KCNK1: variants seen among roughly 807,000 people sequenced by gnomAD.
The protein encoded by KCNK1 is potassium two pore domain channel subfamily K member 1, also known as potassium channel subfamily K member 1.
In KCNK1, 10 loss-of-function variants were observed where a neutral mutation model predicts 22.2. That is an observed-to-expected ratio of 0.45 (90% CI 0.28 to 0.76). KCNK1 has a LOEUF of 0.76. Among genes scored for constraint, KCNK1 ranks in the 30% least tolerant of loss-of-function variants. KCNK1 has a pLI of 0.14. For synonymous variants in KCNK1, 200 were observed against 186.4 expected, an observed-to-expected ratio of 1.07 and a Z score of -0.60; for missense variants, 378 against 421.0, an observed-to-expected ratio of 0.90 and a Z score of 0.89.
At chr1:233,670,739 T>C (rs2102914122) in intron 2 of KCNK1, among the ~76,000 whole-genome samples, 1 of 152,290 alleles carries the variant, frequency 6.6e-6, no homozygotes, top group East Asian at 1.9e-4. Context: ...GAGATTTGGG[T>C]GGGGACACAG....
chr1:233,634,642 TGC>T lies in KCNK1; in HGVS notation c.355+20117_355+20118del, dbSNP rs1558111600. ...CAAAGCAGGGCTCATGGGATTGTTA[TGC>T]CCACCAGATGCTCTGCAACAGTGAC... On this transcript the variant is annotated intron_variant, in intron 1 of 2. Coordinates refer to ENST00000366621, the MANE Select transcript of KCNK1 (RefSeq NM_002245.4). Among the ~76,000 whole-genome samples, 692 of 152,350 alleles carry T rather than the reference TGC, an allele frequency of 4.5e-3. 4 individuals carry two copies. Among genetic ancestry groups the T allele is most frequent in the African/African-American group, 0.016 (669 of 41,598 alleles).
chr1:233,663,763 G>A (rs544750), intron 1 of KCNK1, among the ~76,000 whole-genome samples: 128,738 of 151,948 alleles, frequency 0.85, 54,598 homozygotes, highest in Admixed American at 0.9. Flanking sequence ...GAGCACTGTT[G>A]TTAATATCTC....
Position 233,646,272 on chromosome 1 carries a change from C to CA in KCNK1, c.356-20317dup, listed in dbSNP as rs1300443108. On this transcript the variant is annotated intron_variant, in intron 1 of 2. Coordinates refer to ENST00000366621, the MANE Select transcript of KCNK1 (RefSeq NM_002245.4). ...TAATGGAGTCTCTTGAAGAGCTTTC[C>CA]AAAAAAGATACCCATACTTGTGCTC... Among the ~76,000 whole-genome samples, 12 of 152,086 alleles carry CA rather than the reference C, an allele frequency of 7.9e-5. No homozygotes were observed. In the East Asian group the frequency reaches 2.3e-3, roughly 29 times the overall value.
At chr1:233,631,165 C>A (rs1657783837) in intron 1 of KCNK1, 2 of 448,352 alleles carry the variant, frequency 4.5e-6, no homozygotes. Context: ...CCATCATCCA[C>A]AGTCTATTTT....
intron 1 of KCNK1, 98 bp downstream of exon 1, chr1:233,614,624 C>G: frequency 1.1e-6 from 1 of 897,768 alleles, no homozygotes; most frequent in Non-Finnish European, 1.6e-6. Flanking sequence ...CCCTCCCACC[C>G]CACCCCCCAC....
intron 1 of KCNK1, among the ~76,000 whole-genome samples, chr1:233,653,487 G>A (rs1230209165): frequency 6.6e-6 from 1 of 152,126 alleles, no homozygotes; most frequent in Non-Finnish European, 1.5e-5. Context: ...CATCTGTGAG[G>A]GTGTTTCTGG....
At chr1:233,670,622 T>C (rs1306961355) in intron 2 of KCNK1, among the ~76,000 whole-genome samples, 2 of 151,978 alleles carry the variant, frequency 1.3e-5, no homozygotes, top group East Asian at 3.9e-4. Flanking sequence ...AACCATCAGA[T>C]CTCGTGAGAC....
intron 1 of KCNK1, among the ~76,000 whole-genome samples, chr1:233,628,048 T>G (rs1657720757): frequency 2.6e-5 from 4 of 152,224 alleles, no homozygotes; most frequent in Admixed American, 2.6e-4. Context: ...CTGGGCTGTG[T>G]CTCATTGACC....
intron 1 of KCNK1, among the ~76,000 whole-genome samples, chr1:233,642,094 A>T: frequency 6.6e-6 from 1 of 151,574 alleles, no homozygotes; most frequent in South Asian, 2.1e-4. Context: ...AAACAGAGGG[A>T]GGGCAGAGAG....
chr1:233,656,188 G>A (rs1158391893), intron 1 of KCNK1, among the ~76,000 whole-genome samples: 1 of 152,174 alleles, frequency 6.6e-6, no homozygotes, highest in Non-Finnish European at 1.5e-5. Flanking sequence ...TGGCAATACT[G>A]GTTTACAAAC....
intron 1 of KCNK1, among the ~76,000 whole-genome samples, chr1:233,618,579 A>C (rs1238267091): frequency 6.6e-6 from 1 of 152,212 alleles, no homozygotes; most frequent in Non-Finnish European, 1.5e-5. Flanking sequence ...TATGATGACA[A>C]CTGTTGGGTA....
At chr1:233,617,325 C>T (rs1657503888) in intron 1 of KCNK1, among the ~76,000 whole-genome samples, 1 of 152,176 alleles carries the variant, frequency 6.6e-6, no homozygotes, top group Admixed American at 6.5e-5. Context: ...GTTGGTAATT[C>T]AGCAATAGTC....
intron 1 of KCNK1, chr1:233,655,809 A>G (rs1464315835): frequency 6.6e-6 from 1 of 152,590 alleles, no homozygotes; most frequent in African/African-American, 2.4e-5. Context: ...ACTGTGAGAA[A>G]TACATTTCTG....
At chr1:233,629,061 G>C (rs1044313818) in intron 1 of KCNK1, among the ~76,000 whole-genome samples, 1 of 152,108 alleles carries the variant, frequency 6.6e-6, no homozygotes, top group African/African-American at 2.4e-5. Flanking sequence ...TAGGTCTTTG[G>C]AATATTTACT....
At chr1:233,649,713 A>G (rs1305941693) in intron 1 of KCNK1, among the ~76,000 whole-genome samples, 1 of 152,132 alleles carries the variant, frequency 6.6e-6, no homozygotes, top group Non-Finnish European at 1.5e-5. Flanking sequence ...AATCTCATTC[A>G]TGAGGGCAGA....
chr1:233,671,311 G>A lies in KCNK1; in HGVS notation c.792G>A (p.Leu264=), dbSNP rs949127217. Residue 264 remains leucine (L), a synonymous_variant, in exon 3 of 3, where the codon CTG becomes CTA. Coordinates refer to ENST00000366621, the MANE Select transcript of KCNK1 (RefSeq NM_002245.4). ...GCCTTATTGCCATGTTGGTAGTTCT[G>A]GAAACCTTCTGTGAACTCCATGAGC... ...LLGLIAMLVV[L]ETFCELHELK... is the part of the protein sequence containing the mutation. 1 of 1,613,972 alleles carries A rather than the reference G, an allele frequency of 6.2e-7. No individual in the cohort carries two copies. Among genetic ancestry groups the A allele is most frequent in the Non-Finnish European group, 8.5e-7 (1 of 1,180,008 alleles).
intron 1 of KCNK1, among the ~76,000 whole-genome samples, chr1:233,657,875 C>A (rs1658327190): frequency 6.6e-6 from 1 of 151,854 alleles, no homozygotes; most frequent in Non-Finnish European, 1.5e-5. Context: ...GGTGACTGAT[C>A]AAAAGCTGGA....
At position 233,645,495 on chromosome 1, in the gene KCNK1, G is replaced by A. The variant is rs541016969; in HGVS notation, c.356-21100G>A. On this transcript the variant is annotated intron_variant, in intron 1 of 2. Transcript: ENST00000366621. ...TGTGGAGACAGAGGCAGAGATTGGA[G>A]TTATGCAGTCACAAGCTAAGGAAGC... Among the ~76,000 whole-genome samples, 135 of 152,302 alleles carry A rather than the reference G, an allele frequency of 8.9e-4. 1 individual carries two copies. The highest frequency in any genetic ancestry group is 1.5e-3 in the Non-Finnish European group (101 of 68,028).
At chr1:233,619,088 G>T (rs540042864) in intron 1 of KCNK1, among the ~76,000 whole-genome samples, 2 of 152,042 alleles carry the variant, frequency 1.3e-5, no homozygotes, top group Non-Finnish European at 2.9e-5. Context: ...CACTATCGTG[G>T]GTCACTTCAG....
Sources: gnomAD v4.1 joint callset for allele counts (sites outside exome capture counted in the v4.1 genomes callset) on GRCh38, gnomAD v4.1.1 for gene constraint, MANE v1.5 for transcripts, NCBI Gene and HGNC (gene_info 2026-07-23, HGNC 2026-07-21) for gene names.